The following NREP variants were observed in gnomAD, a reference collection of about 807,000 sequenced individuals.
NREP encodes neuronal regeneration related protein.
A neutral mutation model predicts 8.6 loss-of-function variants in NREP; 5 were observed. That is an observed-to-expected ratio of 0.58 (90% CI 0.30 to 1.22). NREP has a LOEUF of 1.22. NREP is among the 50% of genes most tolerant of loss of function. The probability of loss-of-function intolerance (pLI) is 0.07; values close to 1 mark genes in which losing one functional copy is unlikely to be tolerated. For synonymous variants in NREP, 27 were observed against 28.0 expected, an observed-to-expected ratio of 0.96 and a Z score of 0.11; for missense variants, 86 against 82.5, an observed-to-expected ratio of 1.04 and a Z score of -0.17.
At chr5:111,794,508 T>C (rs2112896544) in intron 2 of NREP, among the ~76,000 whole-genome samples, 1 of 152,318 alleles carries the variant, frequency 6.6e-6, no homozygotes, top group Middle Eastern at 3.4e-3. Context: ...AAGAAATTAG[T>C]TCTTCAACCA....
At chr5:111,738,212 A>T (rs1041852594) in intron 2 of NREP, 2 of 152,248 alleles carry the variant, frequency 1.3e-5, no homozygotes, top group Admixed American at 1.3e-4. Context: ...GTTCTTTCTT[A>T]TACCTGCAGT....
chr5:111,765,994 G>A lies in NREP; in HGVS notation c.136-30487C>T, dbSNP rs546439356. On this transcript the variant is annotated intron_variant, in intron 2 of 3. Transcript: ENST00000395634. ...TTTGCCAGTTACTCCACCACATACT[G>A]ATAATGAAATATTGTCAGAAAACTA... Among the ~76,000 whole-genome samples the A allele has an allele frequency of 2.2e-5, 3 of 135,046 alleles. No individual in the cohort carries two copies. The South Asian group carries it at 7.4e-4, about 33-fold the overall frequency. The allele number at this position is 135,046 out of a possible 152,430, so 88.6% of individuals were successfully genotyped here.
chr5:111,933,973 AG>A (rs1489733700), intron 2 of NREP, among the ~76,000 whole-genome samples: 1 of 152,122 alleles, frequency 6.6e-6, no homozygotes, highest in East Asian at 1.9e-4. Context: ...TTTATTCCAA[AG>A]CTTAGTTTAG....
At chr5:111,891,363 A>G (rs1754390195) in intron 2 of NREP, among the ~76,000 whole-genome samples, 1 of 152,228 alleles carries the variant, frequency 6.6e-6, no homozygotes. Flanking sequence ...TGAGCATTTT[A>G]GTCACAATCA....
chr5:111,791,544 T>A (rs1219664025), intron 2 of NREP, among the ~76,000 whole-genome samples: 1 of 152,180 alleles, frequency 6.6e-6, no homozygotes, highest in South Asian at 2.1e-4. Context: ...AGTGGTGACA[T>A]GTCAGCTCAC....
chr5:111,955,179 C>A (rs1756273910), intron 2 of NREP, among the ~76,000 whole-genome samples: 1 of 152,086 alleles, frequency 6.6e-6, no homozygotes, highest in African/African-American at 2.4e-5. Flanking sequence ...ATGGTGAGAG[C>A]CAGCTCTCAG....
intron 2 of NREP, among the ~76,000 whole-genome samples, chr5:111,884,148 A>C (rs1365365024): frequency 4.6e-5 from 7 of 152,170 alleles, no homozygotes; most frequent in Admixed American, 3.9e-4. Flanking sequence ...GGATATCACC[A>C]CCGATCCCAC....
intron 2 of NREP, among the ~76,000 whole-genome samples, chr5:111,937,946 CA>C (rs892040746): frequency 1.3e-5 from 2 of 152,028 alleles, no homozygotes; most frequent in Non-Finnish European, 2.9e-5. Flanking sequence ...TAGTCCTCTC[CA>C]AATTCTCCTT....
In NREP at chr5:111,932,117, CAA is replaced by C. The variant is rs57518070; in HGVS notation, c.135+43155_135+43156del. Among the ~76,000 whole-genome samples, 178 of 115,528 alleles carry C rather than the reference CAA, an allele frequency of 1.5e-3. 1 individual carries two copies. Among genetic ancestry groups the C allele is most frequent in the Admixed American group, 2.5e-3 (28 of 11,412 alleles). 75.8% of individuals were successfully genotyped at this position (115,528 alleles called of 152,430 possible). On this transcript the variant is annotated intron_variant, in intron 2 of 3. Coordinates refer to the NREP transcript ENST00000395634. ...TATTAAAGACCGTGGAGACTTTTTG[CAA>C]AAAAAAAAAAAAAAGAAAAGAAAAA...
upstream of NREP, among the ~76,000 whole-genome samples, chr5:111,758,763 C>T (rs934263650): frequency 1.3e-5 from 2 of 152,190 alleles, no homozygotes; most frequent in African/African-American, 2.4e-5. Flanking sequence ...ATACTGGGTA[C>T]AGCAATAGCA....
upstream of NREP, chr5:111,758,173 G>A (rs1750857484): frequency 1.0e-6 from 1 of 985,594 alleles, no homozygotes. Context: ...GCCCGGGGCG[G>A]GGAGCGCCCC....
intron 2 of NREP, among the ~76,000 whole-genome samples, chr5:111,952,895 G>A (rs1428958748): frequency 5.9e-5 from 9 of 152,064 alleles, no homozygotes; most frequent in Non-Finnish European, 1.2e-4. Flanking sequence ...ATGGGAATGT[G>A]AAAGGGAGGA....
chr5:111,735,659 C>CTGTT (rs1319700835), intron 2 of NREP, 152 bp from the exon 3 acceptor site: 7 of 561,876 alleles, frequency 1.2e-5, no homozygotes, highest in Non-Finnish European at 1.9e-5. Context: ...CTCTTTCAAA[C>CTGTT]TGTTAGTGTG....
chr5:111,873,570 C>T (rs1348427705), intron 2 of NREP, among the ~76,000 whole-genome samples: 2 of 152,262 alleles, frequency 1.3e-5, no homozygotes, highest in South Asian at 4.2e-4. Flanking sequence ...TGGCTCCTGG[C>T]CCCTTCCTCC....
chr5:111,797,458 C>A (rs562765602), intron 2 of NREP, among the ~76,000 whole-genome samples: 1 of 152,142 alleles, frequency 6.6e-6, no homozygotes, highest in Non-Finnish European at 1.5e-5. Context: ...AGAGCACAGA[C>A]CTTACAAGTA....
intron 2 of NREP, among the ~76,000 whole-genome samples, chr5:111,966,758 C>T (rs1378676403): frequency 1.3e-5 from 2 of 152,154 alleles, no homozygotes; most frequent in African/African-American, 4.8e-5. Context: ...TTATTTTAAA[C>T]AAGTAATAAA....
intron 2 of NREP, among the ~76,000 whole-genome samples, chr5:111,783,087 GAAT>G (rs1751531948): frequency 2.0e-5 from 3 of 152,074 alleles, no homozygotes; most frequent in Non-Finnish European, 2.9e-5. Flanking sequence ...CTCATGGTAA[GAAT>G]GTTTCATTGT....
chr5:111,941,037 C>T (rs189126604), intron 2 of NREP, among the ~76,000 whole-genome samples: 3 of 152,024 alleles, frequency 2.0e-5, no homozygotes, highest in African/African-American at 7.2e-5. Flanking sequence ...GGGAGCAAAC[C>T]CTGATTCTTG....
intron 2 of NREP, among the ~76,000 whole-genome samples, chr5:111,883,138 C>G (rs1321214426): frequency 2.6e-5 from 4 of 152,058 alleles, no homozygotes; most frequent in African/African-American, 9.7e-5. Flanking sequence ...GAAGATCTAC[C>G]AAGCAAATGG....
Sources: gnomAD v4.1 joint callset for allele counts (sites outside exome capture counted in the v4.1 genomes callset) on GRCh38, gnomAD v4.1.1 for gene constraint, MANE v1.5 for transcripts, NCBI Gene and HGNC (gene_info 2026-07-23, HGNC 2026-07-21) for gene names.